Variants in PAPPA2 observed in about 807,000 individuals in gnomAD.
PAPPA2 encodes the protein pappalysin 2.
PAPPA2 carries 86 observed loss-of-function variants against 176.4 expected under a neutral mutation model. The ratio of observed to expected loss-of-function variants is 0.49; its 90% CI spans 0.41 to 0.58. PAPPA2 has a LOEUF of 0.58. Ranked by LOEUF, PAPPA2 falls within the 20% of genes least tolerant of loss-of-function variation. The pLI is 0.00. For synonymous variants in PAPPA2, 809 were observed against 852.2 expected (o/e 0.95, Z 0.88); for missense variants, 2,073 against 2,256.9 (o/e 0.92, Z 1.65).
At chr1:176,626,241 C>A (rs1656005598) in intron 3 of PAPPA2, among the ~76,000 whole-genome samples, 1 of 152,020 alleles carries the variant, frequency 6.6e-6, no homozygotes, top group Admixed American at 6.6e-5. Flanking sequence ...TAATTTCTTC[C>A]TTTTTCTTTA....
chr1:176,646,782 G>A (rs10737321), intron 3 of PAPPA2, among the ~76,000 whole-genome samples: 37,901 of 151,230 alleles, frequency 0.25, 4,889 homozygotes, highest in South Asian at 0.33. Flanking sequence ...TTGCATCTAC[G>A]TATCACATTT....
At chr1:176,537,045 C>T (rs1027090992) in intron 1 of PAPPA2, among the ~76,000 whole-genome samples, 1 of 152,152 alleles carries the variant, frequency 6.6e-6, no homozygotes, top group African/African-American at 2.4e-5. Context: ...ATTCCAGAGC[C>T]CATGCATTCA....
At chr1:176,468,408 A>G (rs1353835214) in intron 1 of PAPPA2, among the ~76,000 whole-genome samples, 2 of 152,214 alleles carry the variant, frequency 1.3e-5, no homozygotes, top group African/African-American at 4.8e-5. Context: ...AGGCAGCCAC[A>G]TCAATCAACT....
intron 14 of PAPPA2, among the ~76,000 whole-genome samples, chr1:176,759,227 G>T (rs1296180300): frequency 6.6e-6 from 1 of 152,180 alleles, no homozygotes; most frequent in Non-Finnish European, 1.5e-5. Flanking sequence ...TTTTAAGTCT[G>T]AGCTAAAGCT....
chr1:176,530,724 GTC>G (rs1409021042), intron 1 of PAPPA2, among the ~76,000 whole-genome samples: 1 of 152,110 alleles, frequency 6.6e-6, no homozygotes, highest in East Asian at 1.9e-4. Flanking sequence ...ATCATTTAAA[GTC>G]TCTGGATCTT....
rs1259924441 is a variant in PAPPA2 at position 176,641,218 on chromosome 1, G to T, written c.1992-29752G>T. The stretch of plus-strand genomic sequence containing the variant: ...AATTAGATCCCATTTGTCAATTTTG[G>T]CTTTTGTTGCCATTGCTTTTGGTGT... On this transcript the variant is annotated intron_variant, in intron 3 of 22. Transcript: ENST00000367662. Among the ~76,000 whole-genome samples the T allele has an allele frequency of 7.9e-5, 12 of 152,030 alleles. No individual in the cohort carries two copies. In the South Asian group the frequency reaches 8.3e-4, roughly 11 times the overall value.
chr1:176,742,328 G>A (rs1385405971), intron 14 of PAPPA2, among the ~76,000 whole-genome samples: 1 of 152,092 alleles, frequency 6.6e-6, no homozygotes, highest in African/African-American at 2.4e-5. Flanking sequence ...AGAAGTTACA[G>A]CCTTTCTAGA....
intron 3 of PAPPA2, among the ~76,000 whole-genome samples, chr1:176,670,325 A>G (rs1156661804): frequency 6.6e-6 from 1 of 152,196 alleles, no homozygotes; most frequent in Non-Finnish European, 1.5e-5. Flanking sequence ...CAATAAACAT[A>G]CTAGGTATCA....
intron 12 of PAPPA2, among the ~76,000 whole-genome samples, chr1:176,737,433 A>C (rs1662470743): frequency 6.6e-6 from 1 of 152,016 alleles, no homozygotes; most frequent in Non-Finnish European, 1.5e-5. Flanking sequence ...GAGGGTTCAC[A>C]CTTTCTTGTG....
At chr1:176,713,993 CTT>C (rs974230588) in intron 12 of PAPPA2, among the ~76,000 whole-genome samples, 1 of 152,136 alleles carries the variant, frequency 6.6e-6, no homozygotes, top group African/African-American at 2.4e-5. Context: ...AGCTATAAGT[CTT>C]TTAACTCTAA....
intron 4 of PAPPA2, among the ~76,000 whole-genome samples, chr1:176,687,296 A>G (rs1474638930): frequency 2.0e-5 from 3 of 152,208 alleles, no homozygotes; most frequent in Non-Finnish European, 2.9e-5. Context: ...AGAGTGTTAC[A>G]CTGGAGAACC....
intron 1 of PAPPA2, among the ~76,000 whole-genome samples, chr1:176,529,587 T>C (rs996841930): frequency 1.3e-5 from 2 of 152,186 alleles, no homozygotes; most frequent in Non-Finnish European, 1.5e-5. Context: ...AGAGAGCTAC[T>C]GCACAAGCTG....
intron 21 of PAPPA2, among the ~76,000 whole-genome samples, chr1:176,834,507 A>T (rs1490171930): frequency 6.6e-6 from 1 of 152,192 alleles, no homozygotes; most frequent in Non-Finnish European, 1.5e-5. Context: ...TCTTGGAAAT[A>T]AGTGTTTCTG....
chr1:176,665,146 C>T (rs1658567084), intron 3 of PAPPA2, among the ~76,000 whole-genome samples: 1 of 152,250 alleles, frequency 6.6e-6, no homozygotes, highest in Non-Finnish European at 1.5e-5. Context: ...TGAATATCCG[C>T]AGTCCACATA....
At chr1:176,640,326 A>C in intron 3 of PAPPA2, among the ~76,000 whole-genome samples, 2 of 142,564 alleles carry the variant, frequency 1.4e-5, no homozygotes, top group African/African-American at 2.6e-5. Flanking sequence ...ATATCTCCCA[A>C]TGCTATCCCT....
At chr1:176,700,987 T>C (rs1266488806) in intron 8 of PAPPA2, among the ~76,000 whole-genome samples, 1 of 152,124 alleles carries the variant, frequency 6.6e-6, no homozygotes, top group Non-Finnish European at 1.5e-5. Flanking sequence ...AGATGTCATT[T>C]TGAACTTCTT....
chr1:176,572,149 T>A (rs1299169445), intron 2 of PAPPA2, among the ~76,000 whole-genome samples: 1 of 152,236 alleles, frequency 6.6e-6, no homozygotes, highest in Non-Finnish European at 1.5e-5. Context: ...AATTTGGTGT[T>A]ATTTCCACTC....
intron 1 of PAPPA2, among the ~76,000 whole-genome samples, chr1:176,489,626 C>T (rs1652805729): frequency 6.6e-6 from 1 of 152,156 alleles, no homozygotes; most frequent in Non-Finnish European, 1.5e-5. Context: ...TCTGCTCTCC[C>T]TGTAGAAGAT....
At chr1:176,623,673 C>CTTTCTTTCTTTCTTTT (rs1558479374) in intron 3 of PAPPA2, among the ~76,000 whole-genome samples, 1 of 113,358 alleles carries the variant, frequency 8.8e-6, no homozygotes, top group African/African-American at 3.6e-5. Context: ...CTTTCTTTTT[C>CTTTCTTTCTTTCTTTT]TTTCTTTCTT....
Sources: allele counts gnomAD v4.1 joint callset (sites outside exome capture counted in the v4.1 genomes callset), GRCh38; gene constraint gnomAD v4.1.1; transcripts MANE v1.5; gene names NCBI Gene and HGNC (gene_info 2026-07-23, HGNC 2026-07-21).